Variants in HSD17B4 observed in about 807,000 individuals in gnomAD.
HSD17B4 encodes hydroxysteroid 17-beta dehydrogenase 4, also known as peroxisomal multifunctional enzyme type 2.
A neutral mutation model predicts 101.0 loss-of-function variants in HSD17B4; 70 were observed. The observed-to-expected ratio is 0.69, with a 90% CI of 0.57 to 0.85. The LOEUF (loss-of-function observed/expected upper bound fraction) is 0.85. Ranked by LOEUF, HSD17B4 falls within the 40% of genes least tolerant of loss-of-function variation. HSD17B4 has a pLI of 0.00. For synonymous variants in HSD17B4, 347 were observed against 297.1 expected (o/e 1.17, Z -1.73); for missense variants, 984 against 892.4 (o/e 1.10, Z -1.31).
intron 11 of HSD17B4, 105 bp downstream of exon 11, chr5:119,494,051 C>T: frequency 9.1e-7 from 1 of 1,095,708 alleles, no homozygotes. Context: ...TGTTAAGACA[C>T]TTGAATCGTC....
intron 23 of HSD17B4, among the ~76,000 whole-genome samples, 174 bp downstream of exon 23, chr5:119,536,724 G>A (rs1754574967): frequency 6.6e-6 from 1 of 151,958 alleles, no homozygotes. Flanking sequence ...CTTTTTTAAT[G>A]GAGTTTCACC....
At chr5:119,490,336 C>G (rs1381246059) in intron 9 of HSD17B4, among the ~76,000 whole-genome samples, 1 of 152,070 alleles carries the variant, frequency 6.6e-6, no homozygotes, top group Non-Finnish European at 1.5e-5. Flanking sequence ...TTTGCCTGCT[C>G]TACTTTTACC....
chr5:119,494,367 TTC>T (rs967766310), intron 11 of HSD17B4, among the ~76,000 whole-genome samples: 12 of 150,980 alleles, frequency 7.9e-5, no homozygotes, highest in African/African-American at 2.7e-4. Context: ...CTTTCTTTCT[TTC>T]TTTCTTTCTT....
At chr5:119,531,494 T>G in intron 22 of HSD17B4, 90 bp downstream of exon 22, 3 of 1,314,988 alleles carry the variant, frequency 2.3e-6, no homozygotes, top group Non-Finnish European at 3.3e-6. Context: ...TGAAGGTAGG[T>G]AAATCTTACC....
intron 16 of HSD17B4, among the ~76,000 whole-genome samples, chr5:119,513,992 G>A (rs1214562237): frequency 6.6e-6 from 1 of 152,044 alleles, no homozygotes; most frequent in Non-Finnish European, 1.5e-5. Context: ...AGAACTCTTG[G>A]TACTCAGAAA....
chr5:119,536,224 A>G, intron 22 of HSD17B4, 199 bp from the exon 23 acceptor site: 1 of 529,138 alleles, frequency 1.9e-6, no homozygotes, highest in Non-Finnish European at 3.4e-6. Context: ...TTTACCTCAA[A>G]TTTCTGTATT....
intron 16 of HSD17B4, among the ~76,000 whole-genome samples, chr5:119,510,332 G>A (rs955734789): frequency 6.6e-6 from 1 of 152,104 alleles, no homozygotes; most frequent in Non-Finnish European, 1.5e-5. Context: ...AAGGACCTAA[G>A]TATTTCTCTT....
chr5:119,480,851 AC>A (rs764465821), intron 8 of HSD17B4, among the ~76,000 whole-genome samples: 85 of 152,140 alleles, frequency 5.6e-4, no homozygotes, highest in Non-Finnish European at 1.0e-3. Context: ...TTTCTCAGGG[AC>A]GTTCCATGCT....
chr5:119,499,356 G>T lies in HSD17B4; in HGVS notation c.1012G>T (p.Ala338Ser), dbSNP rs202103850. Residue 338 changes from alanine to serine, a missense_variant, in exon 13 of 24, where the codon GCT becomes TCT. Coordinates refer to ENST00000510025, the MANE Select transcript of HSD17B4 (RefSeq NM_000414.4). ...IGQKLPPFSYAYTELEAIMYA... is the reference protein window; with the variant it reads ...IGQKLPPFSYSYTELEAIMYA... ...CCAGAAACTCCCTCCATTTTCTTAT[G>T]CTTATACGGAACTGGAAGCTATTAT... The T allele has an allele frequency of 6.2e-7, 1 of 1,613,656 alleles. No homozygotes were observed. The highest frequency in any genetic ancestry group is 8.5e-7 in the Non-Finnish European group (1 of 1,179,682).
intron 11 of HSD17B4, chr5:119,495,877 G>C (rs1750599108): frequency 6.5e-6 from 1 of 153,454 alleles, no homozygotes; most frequent in East Asian, 1.9e-4. Flanking sequence ...TTTGGTTATG[G>C]TTTTGTCTGA....
At chr5:119,533,809 A>G (rs1374963281) in intron 22 of HSD17B4, among the ~76,000 whole-genome samples, 1 of 152,114 alleles carries the variant, frequency 6.6e-6, no homozygotes, top group Non-Finnish European at 1.5e-5. Context: ...TGCAGGAAGA[A>G]AATGGAAGGA....
intron 2 of HSD17B4, 94 bp from the exon 3 acceptor site, chr5:119,473,814 T>G (rs768784895): frequency 5.1e-6 from 4 of 777,152 alleles, no homozygotes; most frequent in Non-Finnish European, 9.2e-6. Flanking sequence ...TGAAGAGATG[T>G]GCTAGTAATT....
chr5:119,492,815 G>A (rs754986494), intron 10 of HSD17B4: 4 of 151,938 alleles, frequency 2.6e-5, no homozygotes, highest in Non-Finnish European at 5.9e-5. Flanking sequence ...CCAAATTTGA[G>A]AATTGCTTTA....
chr5:119,514,356 C>T (rs991722864), intron 16 of HSD17B4, among the ~76,000 whole-genome samples: 4 of 152,106 alleles, frequency 2.6e-5, no homozygotes, highest in Non-Finnish European at 5.9e-5. Context: ...TTAAATTATT[C>T]TATAATAAAA....
intron 2 of HSD17B4, among the ~76,000 whole-genome samples, chr5:119,469,480 A>G (rs1756143512): frequency 6.6e-6 from 1 of 151,994 alleles, no homozygotes; most frequent in African/African-American, 2.4e-5. Flanking sequence ...CAGCCTCCTT[A>G]GTAGTTGGGA....
chr5:119,487,754 A>G (rs1749736478), intron 8 of HSD17B4, among the ~76,000 whole-genome samples: 2 of 152,180 alleles, frequency 1.3e-5, no homozygotes, highest in South Asian at 4.1e-4. Flanking sequence ...ATCCCTGTAC[A>G]TAAATATCCT....
At chr5:119,457,025 C>A (rs768435218) in intron 2 of HSD17B4, among the ~76,000 whole-genome samples, 2 of 152,138 alleles carry the variant, frequency 1.3e-5, no homozygotes, top group African/African-American at 4.8e-5. Context: ...GGGGCAGTTA[C>A]ATGAGTTTTT....
At chr5:119,515,120 T>G in intron 17 of HSD17B4, 74 bp downstream of exon 17, 2 of 816,886 alleles carry the variant, frequency 2.4e-6, no homozygotes, top group Non-Finnish European at 4.4e-6. Context: ...TCTGATACCT[T>G]ATAACATTAT....
chr5:119,496,948 T>C (rs983033442), intron 12 of HSD17B4, among the ~76,000 whole-genome samples: 1 of 152,186 alleles, frequency 6.6e-6, no homozygotes, highest in African/African-American at 2.4e-5. Flanking sequence ...CAGAGTACTT[T>C]ATTTGTCTTT....
Sources: allele counts gnomAD v4.1 joint callset (sites outside exome capture counted in the v4.1 genomes callset), GRCh38; gene constraint gnomAD v4.1.1; transcripts MANE v1.5; gene names NCBI Gene and HGNC (gene_info 2026-07-23, HGNC 2026-07-21).